Variants in HHAT observed in about 807,000 individuals in gnomAD.
The protein encoded by HHAT is hedgehog acyltransferase.
A neutral mutation model predicts 70.8 loss-of-function variants in HHAT; 47 were observed. The ratio of observed to expected loss-of-function variants is 0.66; its 90% CI spans 0.53 to 0.85. The LOEUF is 0.85. Among genes scored for constraint, HHAT ranks in the 40% least tolerant of loss-of-function variants. The pLI is 0.00. For synonymous variants in HHAT, 228 were observed against 247.6 expected (o/e 0.92, Z 0.74); for missense variants, 609 against 604.8 (o/e 1.01, Z -0.07).
chr1:210,629,657 C>A (rs1670478564), intron 11 of HHAT, among the ~76,000 whole-genome samples: 1 of 152,196 alleles, frequency 6.6e-6, no homozygotes, highest in African/African-American at 2.4e-5. Context: ...AGGGGAGAAG[C>A]TGTTTCCTTA....
intron 10 of HHAT, among the ~76,000 whole-genome samples, chr1:210,613,772 C>A (rs1667076404): frequency 6.6e-6 from 1 of 152,258 alleles, no homozygotes; most frequent in South Asian, 2.1e-4. Flanking sequence ...AATTCCAGCA[C>A]TTTGTGAGGC....
chr1:210,446,157 C>T (rs1035665737), intron 7 of HHAT, among the ~76,000 whole-genome samples: 8 of 152,118 alleles, frequency 5.3e-5, no homozygotes, highest in Admixed American at 2.6e-4. Flanking sequence ...ACTCTGGCCT[C>T]GTCCCCAGCC....
intron 9 of HHAT, among the ~76,000 whole-genome samples, chr1:210,525,271 C>T (rs2095228808): frequency 6.6e-6 from 1 of 152,116 alleles, no homozygotes; most frequent in Non-Finnish European, 1.5e-5. Context: ...TTCTCTGGGG[C>T]TGCCAGTGAA....
chr1:210,384,838 A>C (rs780315392), intron 3 of HHAT, among the ~76,000 whole-genome samples: 2 of 152,224 alleles, frequency 1.3e-5, no homozygotes, highest in Non-Finnish European at 2.9e-5. Flanking sequence ...CTTTTGCTTC[A>C]AGAAGCAGTG....
chr1:210,454,558 A>T (rs1208173614), intron 7 of HHAT, among the ~76,000 whole-genome samples: 1 of 151,992 alleles, frequency 6.6e-6, no homozygotes, highest in Non-Finnish European at 1.5e-5. Context: ...TGTCTCAAAA[A>T]AAAGCTCCCT....
intron 8 of HHAT, among the ~76,000 whole-genome samples, chr1:210,499,390 A>T (rs2094710977): frequency 6.6e-6 from 1 of 152,204 alleles, no homozygotes. Context: ...TAATCCCAAC[A>T]CTTTGGGAGG....
At chr1:210,411,840 TACATGTCTTA>T (rs1173671198) in intron 6 of HHAT, among the ~76,000 whole-genome samples, 1 of 147,848 alleles carries the variant, frequency 6.8e-6, no homozygotes, top group African/African-American at 2.4e-5. Flanking sequence ...TACATGCCTC[TACATGTCTTA>T]ACCTTGGTGT....
intron 5 of HHAT, among the ~76,000 whole-genome samples, chr1:210,402,779 G>T (rs977756296): frequency 5.3e-5 from 8 of 152,288 alleles, no homozygotes; most frequent in Non-Finnish European, 5.9e-5. Flanking sequence ...AACTCCTGTG[G>T]TATCTTTTTA....
intron 6 of HHAT, among the ~76,000 whole-genome samples, chr1:210,415,675 T>C (rs1315414080): frequency 1.3e-5 from 2 of 152,078 alleles, no homozygotes; most frequent in Non-Finnish European, 2.9e-5. Context: ...TCCTTTTTTT[T>C]TGAGACAGAG....
intron 8 of HHAT, among the ~76,000 whole-genome samples, chr1:210,511,894 A>G (rs1461928703): frequency 2.1e-5 from 3 of 143,292 alleles, no homozygotes; most frequent in Non-Finnish European, 3.0e-5. Context: ...GGTTCACGCC[A>G]TTCTCCTGCT....
At position 210,587,962 on chromosome 1, in the gene HHAT, A is replaced by T. The variant is rs753271439; in HGVS notation, c.1108A>T (p.Met370Leu). ...GLLGTLFSTA[M>L]TFAFVSYWHG... is the part of the protein sequence containing the mutation. ...GCTGGGGACACTGTTTTCCACGGCG[A>T]TGACATTTGCATTTGTGAGCTACTG... Residue 370 changes from methionine to leucine, a missense_variant, in exon 10 of 12, where the codon ATG becomes TTG. Transcript: ENST00000261458. 6.2e-7 allele frequency: 1 copy of T among 1,614,092 alleles called. No individual in the cohort carries two copies. The highest frequency in any genetic ancestry group is 8.5e-7 in the Non-Finnish European group (1 of 1,180,012).
chr1:210,501,246 T>C (rs17016353), intron 8 of HHAT, among the ~76,000 whole-genome samples: 1,679 of 152,322 alleles, frequency 0.011, 37 homozygotes, highest in African/African-American at 0.038. Context: ...TTCTTTGCCA[T>C]TCTTATTTTG....
chr1:210,660,013 CAG>C (rs1177075377), intron 11 of HHAT, among the ~76,000 whole-genome samples: 2 of 152,168 alleles, frequency 1.3e-5, no homozygotes, highest in African/African-American at 2.4e-5. Flanking sequence ...TGGCACAAGA[CAG>C]GGGTGCTGTC....
At chr1:210,653,305 G>A (rs1172875867) in intron 11 of HHAT, among the ~76,000 whole-genome samples, 2 of 152,150 alleles carry the variant, frequency 1.3e-5, no homozygotes, top group East Asian at 3.8e-4. Context: ...CACTTTGGGA[G>A]GCTGAGGCCG....
chr1:210,636,843 T>C (rs1671957993), intron 11 of HHAT, among the ~76,000 whole-genome samples: 1 of 152,150 alleles, frequency 6.6e-6, no homozygotes, highest in Non-Finnish European at 1.5e-5. Context: ...AGTGAATTCA[T>C]ATTGAATTGC....
At chr1:210,381,006 C>T (rs1189181689) in intron 3 of HHAT, among the ~76,000 whole-genome samples, 1 of 151,962 alleles carries the variant, frequency 6.6e-6, no homozygotes, top group African/African-American at 2.4e-5. Context: ...CAAATATGCT[C>T]TTAAAAATAT....
At chr1:210,558,572 A>T (rs932127516) in intron 9 of HHAT, among the ~76,000 whole-genome samples, 2 of 152,246 alleles carry the variant, frequency 1.3e-5, no homozygotes, top group Admixed American at 1.3e-4. Context: ...TGCTTTCCAC[A>T]GGCAGGAAAT....
At chr1:210,427,212 C>T (rs1271142059) in intron 7 of HHAT, among the ~76,000 whole-genome samples, 2 of 151,890 alleles carry the variant, frequency 1.3e-5, no homozygotes, top group Non-Finnish European at 2.9e-5. Context: ...TTTGAATCTT[C>T]TCTCTTTATT....
At chr1:210,429,068 A>G (rs4845024) in intron 7 of HHAT, among the ~76,000 whole-genome samples, 66,777 of 151,604 alleles carry the variant, frequency 0.44, 15,145 homozygotes, top group Admixed American at 0.53. Context: ...AATACCTATC[A>G]TATCACCTAT....
Sources: allele counts gnomAD v4.1 joint callset (sites outside exome capture counted in the v4.1 genomes callset), GRCh38; gene constraint gnomAD v4.1.1; transcripts MANE v1.5; gene names NCBI Gene and HGNC (gene_info 2026-07-23, HGNC 2026-07-21).